The following SH3BGRL variants were observed in gnomAD, a reference collection of about 807,000 sequenced individuals.
The protein encoded by SH3BGRL is SH3 domain binding glutamate rich protein like, also known as adapter SH3BGRL.
SH3BGRL carries 7 observed loss-of-function variants against 9.8 expected under a neutral mutation model. That is an observed-to-expected ratio of 0.72 (90% CI 0.41 to 1.35). The LOEUF (loss-of-function observed/expected upper bound fraction) is 1.35. Ranked by LOEUF, SH3BGRL falls within the 40% of genes most tolerant of loss-of-function variation. The pLI, the probability that SH3BGRL is intolerant of heterozygous loss-of-function variation, is 0.01. For synonymous variants in SH3BGRL, 36 were observed against 29.1 expected, an observed-to-expected ratio of 1.24 and a Z score of -0.76; for missense variants, 73 against 84.4, an observed-to-expected ratio of 0.86 and a Z score of 0.53.
At position 81,235,452 on chromosome X, in the gene SH3BGRL, C is replaced by T. The variant is rs73634731; in HGVS notation, c.45+33207C>T. Among the ~76,000 whole-genome samples the T allele has an allele frequency of 9.3e-3, 1,019 of 110,042 alleles. 8 individuals carry two copies. The highest frequency in any genetic ancestry group is 0.031 in the African/African-American group (953 of 30,288). Reference sequence around the variant, plus strand: ...TCGGAAAAGTGAATATGGAAACTTGCCTCAGTTGACAAAAGTAGAACGTAA... The same window carrying T: ...TCGGAAAAGTGAATATGGAAACTTGTCTCAGTTGACAAAAGTAGAACGTAA... On this transcript the variant is annotated intron_variant, in intron 1 of 3. Coordinates refer to ENST00000373212, the MANE Select transcript of SH3BGRL (RefSeq NM_003022.3).
At chrX:81,288,783 G>A (rs1432432466) in intron 3 of SH3BGRL, among the ~76,000 whole-genome samples, 1 of 111,591 alleles carries the variant, frequency 9.0e-6, no homozygotes, top group Non-Finnish European at 1.9e-5. Context: ...AGAAATTGAA[G>A]ATGACATAAA....
intron 1 of SH3BGRL, among the ~76,000 whole-genome samples, chrX:81,235,358 G>T (rs2075644647): frequency 9.1e-6 from 1 of 110,448 alleles, no homozygotes; most frequent in Non-Finnish European, 1.9e-5. Context: ...GTTTGGAAGG[G>T]CTGGGGAGAG....
intron 3 of SH3BGRL, among the ~76,000 whole-genome samples, chrX:81,293,081 A>G (rs904800535): frequency 8.9e-6 from 1 of 111,849 alleles, no homozygotes; most frequent in Non-Finnish European, 1.9e-5. Context: ...AGTGGGAGAT[A>G]ATTTGAATCA....
At chrX:81,215,755 TAA>T (rs1367066431) in intron 1 of SH3BGRL, among the ~76,000 whole-genome samples, 6 of 111,774 alleles carry the variant, frequency 5.4e-5, no homozygotes, top group East Asian at 2.8e-4. Flanking sequence ...TGAAAAGTGA[TAA>T]GTTATTAGTT....
chrX:81,292,465 C>T (rs750960674), intron 3 of SH3BGRL, among the ~76,000 whole-genome samples: 48 of 111,673 alleles, frequency 4.3e-4, no homozygotes, highest in Non-Finnish European at 7.5e-4. Flanking sequence ...GCCCACAAAA[C>T]CATTTTACTA....
In SH3BGRL at chrX:81,242,400, T is replaced by C. The variant is rs1406992810; in HGVS notation, c.46-34584T>C. Among the ~76,000 whole-genome samples, 3 of 112,024 alleles carry C rather than the reference T, an allele frequency of 2.7e-5. No homozygotes were observed. In the Admixed American group the frequency reaches 2.8e-4, roughly 11 times the overall value. The stretch of plus-strand genomic sequence containing the variant: ...AAGTAGACCCCTATCTCTTGCCATA[T>C]ACAAAAATCATATTTAAATGGATTA... On this transcript the variant is annotated intron_variant, in intron 1 of 3. Transcript: ENST00000373212.
chrX:81,269,457 A>G lies in SH3BGRL; in HGVS notation c.46-7527A>G, dbSNP rs765721692. Among the ~76,000 whole-genome samples, 9 of 111,352 alleles carry G rather than the reference A, an allele frequency of 8.1e-5. No individual in the cohort carries two copies. In the East Asian group the frequency reaches 1.1e-3, roughly 14 times the overall value. Reference sequence around the variant, plus strand: ...CATTTGCTTGTCTGTAAACTATTTTATTTCTCCTTCACTTATGAAGCTTAG... The same window carrying G: ...CATTTGCTTGTCTGTAAACTATTTTGTTTCTCCTTCACTTATGAAGCTTAG... On this transcript the variant is annotated intron_variant, in intron 1 of 3. Transcript: ENST00000373212.
chrX:81,275,256 A>T (rs1487154081), intron 1 of SH3BGRL, among the ~76,000 whole-genome samples: 3 of 111,055 alleles, frequency 2.7e-5, no homozygotes, highest in Admixed American at 9.6e-5. Flanking sequence ...CAAAAAAAAA[A>T]ATCTGTTGGA....
At chrX:81,283,110 C>G (rs1396323116) in intron 3 of SH3BGRL, among the ~76,000 whole-genome samples, 2 of 111,619 alleles carry the variant, frequency 1.8e-5, no homozygotes, top group Non-Finnish European at 3.8e-5. Flanking sequence ...ACTTTCCTAG[C>G]TTAAATCAGA....
intron 1 of SH3BGRL, among the ~76,000 whole-genome samples, chrX:81,235,308 C>CT (rs2075644441): frequency 9.1e-6 from 1 of 110,378 alleles, no homozygotes; most frequent in South Asian, 3.9e-4. Flanking sequence ...AAAGTAGTTG[C>CT]TTTTTTCTTT....
intron 1 of SH3BGRL, among the ~76,000 whole-genome samples, chrX:81,230,373 C>T (rs2075629246): frequency 9.0e-6 from 1 of 111,454 alleles, no homozygotes. Context: ...CTGATAAGTG[C>T]CAGGAAGTAA....
intron 1 of SH3BGRL, among the ~76,000 whole-genome samples, chrX:81,238,521 C>T (rs927255115): frequency 3.6e-5 from 4 of 111,878 alleles, no homozygotes; most frequent in South Asian, 3.7e-4. Context: ...ATTCTATTAT[C>T]GGCCTCCTGC....
intron 3 of SH3BGRL, 26 bp from the exon 4 acceptor site, chrX:81,297,169 T>C (rs1259247664): frequency 1.7e-6 from 2 of 1,197,140 alleles, no homozygotes; most frequent in East Asian, 3.0e-5. Flanking sequence ...TTTAAACTTA[T>C]CTGTTTTGTT....
chrX:81,205,689 G>A (rs1326567074), intron 1 of SH3BGRL, among the ~76,000 whole-genome samples: 4 of 109,818 alleles, frequency 3.6e-5, no homozygotes, highest in Non-Finnish European at 5.7e-5. Flanking sequence ...GCTAAATCAT[G>A]TGATAGTTCT....
intron 1 of SH3BGRL, among the ~76,000 whole-genome samples, chrX:81,203,280 G>A (rs1187117954): frequency 9.0e-6 from 1 of 111,652 alleles, no homozygotes; most frequent in Non-Finnish European, 1.9e-5. Context: ...AATCCAGGTT[G>A]TTGTGTGTTT....
At chrX:81,265,705 A>G (rs943003410) in intron 1 of SH3BGRL, among the ~76,000 whole-genome samples, 15 of 112,084 alleles carry the variant, frequency 1.3e-4, no homozygotes, top group African/African-American at 4.9e-4. Context: ...ATGATTTATA[A>G]TTCTTTGGGT....
At chrX:81,217,796 G>A (rs956838436) in intron 1 of SH3BGRL, among the ~76,000 whole-genome samples, 15 of 110,934 alleles carry the variant, frequency 1.4e-4, no homozygotes, top group African/African-American at 4.9e-4. Flanking sequence ...TAAGTCAGTT[G>A]TTTTTTTGTT....
chrX:81,234,305 T>C (rs935312669), intron 1 of SH3BGRL, among the ~76,000 whole-genome samples: 1 of 112,467 alleles, frequency 8.9e-6, no homozygotes, highest in African/African-American at 3.2e-5. Flanking sequence ...TTCTGCATTA[T>C]GCATTAATAA....
intron 1 of SH3BGRL, among the ~76,000 whole-genome samples, chrX:81,269,746 G>T (rs1444300827): frequency 9.0e-6 from 1 of 110,875 alleles, no homozygotes; most frequent in Non-Finnish European, 1.9e-5. Flanking sequence ...TGTATTTCCC[G>T]AATTTGAATG....
Sources: allele counts gnomAD v4.1 joint callset (sites outside exome capture counted in the v4.1 genomes callset), GRCh38; gene constraint gnomAD v4.1.1; transcripts MANE v1.5; gene names NCBI Gene and HGNC (gene_info 2026-07-23, HGNC 2026-07-21).